Variants in LZIC observed in about 807,000 individuals in gnomAD.
LZIC encodes the protein leucine zipper and CTNNBIP1 domain containing, also known as protein LZIC.
In LZIC, 28 loss-of-function variants were observed where a neutral mutation model predicts 25.4. The ratio of observed to expected loss-of-function variants is 1.10; its 90% CI spans 0.82 to 1.51. The LOEUF is 1.51. Ranked by LOEUF, LZIC falls within the 40% of genes most tolerant of loss-of-function variation. The pLI, the probability that LZIC is intolerant of heterozygous loss-of-function variation, is 0.00. For synonymous variants in LZIC, 65 were observed against 70.7 expected (o/e 0.92, Z 0.40); for missense variants, 170 against 211.1 (o/e 0.81, Z 1.21).
Position 9,929,856 on chromosome 1 carries a change from C to G in LZIC, c.*543G>C. The G allele has an allele frequency of 1.0e-6, 1 of 976,956 alleles. No homozygotes were observed. The highest frequency in any genetic ancestry group is 1.2e-6 in the Non-Finnish European group (1 of 822,252). The allele number at this position is 976,956 out of a possible 1,614,324, so 60.5% of individuals were successfully genotyped here. On this transcript the variant is annotated 3_prime_UTR_variant, in exon 8 of 8. Coordinates refer to ENST00000377223, the MANE Select transcript of LZIC (RefSeq NM_032368.5). ...AAACTGGGAGTCAGGACACCTGAGT[C>G]TTACCCTCAGCTCTCTGATGCGACT...
chr1:9,930,210 G>A lies in LZIC; in HGVS notation c.*189C>T. ...AACAAGTTCAGGATCACTCAAGCAG[G>A]TAACCGCACACAACGCACAATGATG... On this transcript the variant is annotated 3_prime_UTR_variant, in exon 8 of 8. Transcript: ENST00000377223. 21 of 1,429,346 alleles carry A rather than the reference G, an allele frequency of 1.5e-5. No homozygotes were observed. The highest frequency in any genetic ancestry group is 1.8e-5 in the Non-Finnish European group (20 of 1,088,472). 88.5% of individuals were successfully genotyped at this position (1,429,346 alleles called of 1,614,324 possible).
chr1:9,938,743 A>G (rs1640565646), intron 2 of LZIC, among the ~76,000 whole-genome samples: 1 of 152,178 alleles, frequency 6.6e-6, no homozygotes, highest in Non-Finnish European at 1.5e-5. Context: ...TTTTTAATAG[A>G]CAAATCTATC....
rs1640154306 is a variant in LZIC at position 9,930,335 on chromosome 1, A to G, written c.*64T>C. 1.9e-6 allele frequency: 3 copies of G among 1,578,118 alleles called. No individual in the cohort carries two copies. In the South Asian group the frequency reaches 3.5e-5, roughly 19 times the overall value. ...CTTCATTTCTTTGCAATAACTGAAA[A>G]CCCCAGAAGAAAGACACCATTTACA... is the stretch of plus-strand genomic sequence containing the variant. On this transcript the variant is annotated 3_prime_UTR_variant, in exon 8 of 8. Coordinates refer to ENST00000377223, the MANE Select transcript of LZIC (RefSeq NM_032368.5).
Position 9,934,870 on chromosome 1 carries a change from C to A in LZIC, c.238-10G>T. 2 of 1,606,550 alleles carry A rather than the reference C, an allele frequency of 1.2e-6. No homozygotes were observed. Among genetic ancestry groups the A allele is most frequent in the African/African-American group, 2.7e-5 (2 of 74,806 alleles). ...TAGCTGCCTGAATAGCCTAGAAACA[C>A]AAGAAGGCAAAAACTAACCAAAATA... On this transcript the variant is annotated splice_polypyrimidine_tract_variant and intron_variant, in intron 4 of 7. Transcript: ENST00000377223.
At chr1:9,943,061 A>C (rs2101622172) in intron 1 of LZIC, 188 bp downstream of exon 1, 1 of 277,580 alleles carries the variant, frequency 3.6e-6, no homozygotes, top group Non-Finnish European at 7.4e-6. Flanking sequence ...CTTGAAAGTG[A>C]GGAGGGTTTG....
chr1:9,941,801 C>T (rs887587179), intron 2 of LZIC, among the ~76,000 whole-genome samples: 1 of 151,470 alleles, frequency 6.6e-6, no homozygotes, highest in Non-Finnish European at 1.5e-5. Flanking sequence ...CCGGCCTTTA[C>T]CTTTTCTTTA....
chr1:9,932,232 C>A (rs1001059576), intron 6 of LZIC: 1 of 324,752 alleles, frequency 3.1e-6, no homozygotes, highest in African/African-American at 2.2e-5. Flanking sequence ...GTAATCCCAG[C>A]TACTCAGGAG....
chr1:9,938,188 G>C (rs1285121047), intron 2 of LZIC, among the ~76,000 whole-genome samples: 3 of 151,908 alleles, frequency 2.0e-5, no homozygotes, highest in Admixed American at 1.3e-4. Flanking sequence ...TTTTTTTTGA[G>C]ATAGGGTCTC....
chr1:9,932,248 G>A (rs996029827), intron 6 of LZIC: 9 of 267,856 alleles, frequency 3.4e-5, no homozygotes, highest in Admixed American at 5.1e-5. Flanking sequence ...AGGAGGATGA[G>A]GCAGTAGAAT....
intron 2 of LZIC, 74 bp from the exon 3 acceptor site, chr1:9,936,701 G>T: frequency 2.0e-6 from 2 of 999,862 alleles, no homozygotes; most frequent in Non-Finnish European, 1.5e-6. Flanking sequence ...TTTATTTTTT[G>T]TAGAGACAGA....
In LZIC at chr1:9,930,052, T is replaced by C; in HGVS notation, c.*347A>G. On this transcript the variant is annotated 3_prime_UTR_variant, in exon 8 of 8. Coordinates refer to ENST00000377223, the MANE Select transcript of LZIC (RefSeq NM_032368.5). The stretch of plus-strand genomic sequence containing the variant: ...GGGATAAGTTGTAAGCAGAAAAATA[T>C]CATTACTTCACATCTTTTCGTTCAC... 9.7e-7 allele frequency: 1 copy of C among 1,032,790 alleles called. No homozygotes were observed. The highest frequency in any genetic ancestry group is 1.2e-6 in the Non-Finnish European group (1 of 858,276). The allele number at this position is 1,032,790 out of a possible 1,614,324, so 64.0% of individuals were successfully genotyped here.
intron 5 of LZIC, among the ~76,000 whole-genome samples, chr1:9,934,281 A>G (rs1220398): frequency 0.74 from 112,939 of 151,900 alleles, 44,147 homozygotes; most frequent in Admixed American, 0.87. Flanking sequence ...GTGAAGCAGG[A>G]ATTCAAATCC....
chr1:9,932,952 A>T (rs530997635), intron 5 of LZIC, 54 bp from the exon 6 acceptor site: 1 of 1,231,270 alleles, frequency 8.1e-7, no homozygotes, highest in Admixed American at 1.7e-5. Context: ...CATTCCATAT[A>T]CAAAATATAG....
chr1:9,929,640 C>G lies in LZIC; in HGVS notation c.*759G>C. ...CTTTAGGAAACGCTCAACAGGGCTC[C>G]CATTGTTCCAACCTCAAAATTCCGA... On this transcript the variant is annotated 3_prime_UTR_variant, in exon 8 of 8. Coordinates refer to ENST00000377223, the MANE Select transcript of LZIC (RefSeq NM_032368.5). 1 of 985,392 alleles carries G rather than the reference C, an allele frequency of 1.0e-6. No homozygotes were observed. The highest frequency in any genetic ancestry group is 1.2e-6 in the Non-Finnish European group (1 of 829,922). The allele number at this position is 985,392 out of a possible 1,614,324, so 61.0% of individuals were successfully genotyped here.
intron 3 of LZIC, among the ~76,000 whole-genome samples, chr1:9,936,267 G>A (rs1211370458): frequency 6.6e-6 from 1 of 152,170 alleles, no homozygotes; most frequent in South Asian, 2.1e-4. Flanking sequence ...GACAAAGTAG[G>A]TGTTATTTCT....
At chr1:9,923,579 G>A (rs888216251), downstream of LZIC, among the ~76,000 whole-genome samples, 1 of 137,726 alleles carries the variant, frequency 7.3e-6, no homozygotes, top group African/African-American at 2.7e-5. Flanking sequence ...GCCTAGGCTG[G>A]ACTAGAACTC....
At position 9,932,000 on chromosome 1, in the gene LZIC, G is replaced by C. The variant is rs374359003; in HGVS notation, c.433-28C>G. 58 of 1,557,000 alleles carry C rather than the reference G, an allele frequency of 3.7e-5. No individual in the cohort carries two copies. In the Middle Eastern group the frequency reaches 5.1e-4, roughly 14 times the overall value. On this transcript the variant is annotated intron_variant, in intron 6 of 7. Transcript: ENST00000377223. ...AAACAAAATGAAACAAAGTCCAGTT[G>C]AGTGGGTAAATGTTACAGGTGGTTC...
At chr1:9,936,787 G>A (rs1393600343) in intron 2 of LZIC, among the ~76,000 whole-genome samples, 160 bp from the exon 3 acceptor site, 2 of 152,236 alleles carry the variant, frequency 1.3e-5, no homozygotes, top group African/African-American at 4.8e-5. Flanking sequence ...TACCAAAGAG[G>A]TGGGATTATA....
rs763064371 is a variant in LZIC at position 9,932,821 on chromosome 1, A to C, written c.414T>G (p.Leu138=). The C allele has an allele frequency of 6.2e-7, 1 of 1,607,230 alleles. No individual in the cohort carries two copies. Among genetic ancestry groups the C allele is most frequent in the South Asian group, 1.1e-5 (1 of 90,828 alleles). Reference sequence around the variant, plus strand: ...CTGGTACCTTCTCTCCAAGTTTCCTAAGAGCTGTTAGTATCTCCACTTTCT... The same window carrying C: ...CTGGTACCTTCTCTCCAAGTTTCCTCAGAGCTGTTAGTATCTCCACTTTCT... ...TQQKVEILTA[L]RKLGEKLTAD... The change falls in exon 6 of 8, where the codon CTT becomes CTG. Residue 138 remains leucine, a synonymous_variant. Transcript: ENST00000377223.
Sources: allele counts gnomAD v4.1 joint callset (sites outside exome capture counted in the v4.1 genomes callset), GRCh38; gene constraint gnomAD v4.1.1; transcripts MANE v1.5; gene names NCBI Gene and HGNC (gene_info 2026-07-23, HGNC 2026-07-21).